Variants in DST observed in about 807,000 individuals in gnomAD.
DST encodes bullous pemphigoid antigen.
A neutral mutation model predicts 875.2 loss-of-function variants in DST; 253 were observed. The ratio of observed to expected loss-of-function variants is 0.29; its 90% confidence interval spans 0.26 to 0.32. DST has a LOEUF of 0.32. Ranked by LOEUF, DST falls within the 10% of genes least tolerant of loss-of-function variation. DST has a pLI of 1.00. For synonymous variants in DST, 3,124 were observed against 3,197.1 expected (o/e 0.98, Z 0.77); for missense variants, 8,287 against 9,111.6 (o/e 0.91, Z 3.68).
chr6:56,619,944 G>GTTC, intron 36 of DST: 4 of 1,614,044 alleles, frequency 2.5e-6, no homozygotes, highest in Non-Finnish European at 3.4e-6. Flanking sequence ...TGCTGTTTGA[G>GTTC]TTCTTCTGCT....
chr6:56,661,488 AT>A (rs913511187), intron 10 of DST, among the ~76,000 whole-genome samples: 6 of 152,136 alleles, frequency 3.9e-5, no homozygotes. Flanking sequence ...CAGTGGCAGC[AT>A]GCGGGGGGAG....
intron 4 of DST, among the ~76,000 whole-genome samples, chr6:56,742,777 C>T (rs534382918): frequency 8.6e-4 from 131 of 152,238 alleles, no homozygotes; most frequent in African/African-American, 3.0e-3. Flanking sequence ...TTAACTTATC[C>T]CTGATATGTG....
At position 56,535,147 on chromosome 6, in the gene DST, A is replaced by C. The variant is rs1351148183; in HGVS notation, c.16916T>G (p.Val5639Gly). 4 of 1,613,800 alleles carry C rather than the reference A, an allele frequency of 2.5e-6. No homozygotes were observed. The highest frequency in any genetic ancestry group is 3.4e-6 in the Non-Finnish European group (4 of 1,179,818). ...QKPPSAEFKVVKAQIQEQKLL... is the reference protein window; with the variant it reads ...QKPPSAEFKVGKAQIQEQKLL... ...CTTTTGTTCTTGTATCTGGGCCTTT[A>C]CCACTTTGAACTCAGCCGACGGGGG... Residue 5639 changes from valine (V) to glycine (G), a missense_variant, in exon 63 of 104, where the codon GTA (valine) becomes GGA (glycine). Val to Gly is a moderately radical substitution (Grantham distance 109). This residue lies in a region of DST where 777 missense variants were observed against 764.8 expected (regional missense o/e 1.02). Transcript: ENST00000680361.
intron 10 of DST, among the ~76,000 whole-genome samples, chr6:56,655,930 C>G (rs141139121): frequency 6.6e-6 from 1 of 152,338 alleles, no homozygotes; most frequent in African/African-American, 2.4e-5. Context: ...GAAGGCAGAG[C>G]CTGTGTTTTG....
chr6:56,848,971 G>A (rs139913621), intron 4 of DST, among the ~76,000 whole-genome samples: 5,230 of 151,754 alleles, frequency 0.034, 290 homozygotes, highest in African/African-American at 0.12. Flanking sequence ...CCCAAGAGGC[G>A]GAGGTTGCAG....
At chr6:56,887,037 A>T (rs1784983224) in intron 3 of DST, among the ~76,000 whole-genome samples, 1 of 152,206 alleles carries the variant, frequency 6.6e-6, no homozygotes. Flanking sequence ...TAAGAATTAG[A>T]CTTAGGAGAA....
chr6:56,731,032 GAAAAGGTTACATTTT>G (rs1356150991), intron 5 of DST, among the ~76,000 whole-genome samples: 23 of 152,272 alleles, frequency 1.5e-4, no homozygotes, highest in Non-Finnish European at 1.3e-4. Context: ...TTTTTCTGGA[GAAAAGGTTACATTTT>G]AAAAGTCCTC....
intron 38 of DST, 102 bp downstream of exon 38, chr6:56,611,406 C>A (rs2098543689): frequency 1.4e-6 from 1 of 737,954 alleles, no homozygotes; most frequent in Non-Finnish European, 2.4e-6. Context: ...GTTTGAGTCC[C>A]ATATTTAACA....
At position 56,617,342 on chromosome 6, in the gene DST, G is replaced by A. The variant is rs762705378; in HGVS notation, c.4930-2858C>T. ...GCACCCTTCAAGCATCCATTCTTCAGCACTGGGAACTGGGTTCTTTTCTTG... is the reference window on the plus strand; with the variant it reads ...GCACCCTTCAAGCATCCATTCTTCAACACTGGGAACTGGGTTCTTTTCTTG... On this transcript the variant is annotated intron_variant, in intron 36 of 103. Coordinates refer to ENST00000680361, the MANE Select transcript of DST (RefSeq NM_001374736.1). 1.4e-5 allele frequency: 23 copies of A among 1,613,850 alleles called. No homozygotes were observed. Among genetic ancestry groups the A allele is most frequent in the East Asian group, 8.9e-5 (4 of 44,894 alleles).
At chr6:56,721,065 C>G (rs150723384) in intron 5 of DST, among the ~76,000 whole-genome samples, 1 of 149,072 alleles carries the variant, frequency 6.7e-6, no homozygotes. Context: ...GGCAGGGGCG[C>G]CCCCCCCACC....
At chr6:56,843,792 G>T (rs2099803844) in intron 4 of DST, 1 of 615,288 alleles carries the variant, frequency 1.6e-6, no homozygotes, top group Non-Finnish European at 2.0e-6. Context: ...CGAGCGCGGC[G>T]GTCAGCGCCC....
intron 4 of DST, among the ~76,000 whole-genome samples, chr6:56,794,046 C>T (rs1332730126): frequency 6.6e-6 from 1 of 152,218 alleles, no homozygotes; most frequent in Admixed American, 6.5e-5. Context: ...TTAATACAGG[C>T]TGTCAACCTG....
At chr6:56,741,918 G>A (rs1171176104) in intron 4 of DST, among the ~76,000 whole-genome samples, 4 of 152,012 alleles carry the variant, frequency 2.6e-5, no homozygotes, top group South Asian at 2.1e-4. Flanking sequence ...AATATGTAAC[G>A]ACAATGAAGA....
intron 5 of DST, among the ~76,000 whole-genome samples, chr6:56,713,129 A>G (rs190266513): frequency 2.1e-3 from 313 of 152,302 alleles, no homozygotes; most frequent in African/African-American, 7.1e-3. Context: ...TGGTGATAAG[A>G]TGGAATAACA....
chr6:56,758,663 G>A (rs968454687), intron 4 of DST, among the ~76,000 whole-genome samples: 1 of 152,200 alleles, frequency 6.6e-6, no homozygotes, highest in African/African-American at 2.4e-5. Flanking sequence ...GCTGGTGGCT[G>A]ATGTTAACTA....
At position 56,501,188 on chromosome 6, in the gene DST, G is replaced by C; in HGVS notation, c.19788C>G (p.Ala6596=). ...ALLALGQFQH[A]LDELLAWLTH... is the part of the protein sequence containing the mutation. ...TCAGCCATGCCAGGAGCTCATCCAGGGCATGTTGGAACTGACCCAAGGCTA... is the reference window on the plus strand; with the variant it reads ...TCAGCCATGCCAGGAGCTCATCCAGCGCATGTTGGAACTGACCCAAGGCTA... The change falls in exon 80 of 104, where the codon GCC becomes GCG. Residue 6596 remains alanine (A), a synonymous_variant. Coordinates refer to ENST00000680361, the MANE Select transcript of DST (RefSeq NM_001374736.1). The C allele has an allele frequency of 6.2e-7, 1 of 1,611,830 alleles. No individual in the cohort carries two copies. Among genetic ancestry groups the C allele is most frequent in the African/African-American group, 1.3e-5 (1 of 74,866 alleles).
intron 53 of DST, 35 bp from the exon 54 acceptor site, chr6:56,570,047 C>G (rs1163798288): frequency 2.8e-6 from 4 of 1,423,516 alleles, no homozygotes; most frequent in Non-Finnish European, 3.8e-6. Flanking sequence ...ATTTAAGTCA[C>G]AGAAAGAAGA....
At chr6:56,924,424 T>A (rs6907366) in intron 2 of DST, among the ~76,000 whole-genome samples, 5,944 of 149,096 alleles carry the variant, frequency 0.04, 397 homozygotes, top group African/African-American at 0.14. Flanking sequence ...TGTTATATAT[T>A]TTTTAATATT....
chr6:56,743,356 T>C (rs982801228), intron 4 of DST, among the ~76,000 whole-genome samples: 4 of 152,190 alleles, frequency 2.6e-5, no homozygotes, highest in Non-Finnish European at 5.9e-5. Flanking sequence ...GGATTAACAG[T>C]TGCCAAAATG....
Sources: allele counts gnomAD v4.1 joint callset (sites outside exome capture counted in the v4.1 genomes callset), GRCh38; gene constraint gnomAD v4.1.1; regional missense constraint gnomAD v4.1.1; transcripts MANE v1.5; gene names NCBI Gene and HGNC (gene_info 2026-07-23, HGNC 2026-07-21).